Variants in CCNG2 observed in about 807,000 individuals in gnomAD.
CCNG2 encodes the protein cyclin G2.
CCNG2 carries 20 observed loss-of-function variants against 36.5 expected under a neutral mutation model. The ratio of observed to expected loss-of-function variants is 0.55; its 90% CI spans 0.39 to 0.80. CCNG2 has a LOEUF of 0.80. Among genes scored for constraint, CCNG2 ranks in the 30% least tolerant of loss-of-function variants. The pLI is 0.00. For missense variants in CCNG2, 358 were observed against 390.8 expected, an observed-to-expected ratio of 0.92 and a Z score of 0.71; for synonymous variants, 155 against 140.1, an observed-to-expected ratio of 1.11 and a Z score of -0.75.
At chr4:77,159,068 G>A (rs1188246339) in intron 2 of CCNG2, among the ~76,000 whole-genome samples, 1 of 152,202 alleles carries the variant, frequency 6.6e-6, no homozygotes, top group Non-Finnish European at 1.5e-5. Flanking sequence ...TCCATTCCAA[G>A]GGAATTGAAT....
intron 3 of CCNG2, among the ~76,000 whole-genome samples, chr4:77,160,135 C>T (rs1021259027): frequency 6.6e-6 from 1 of 152,056 alleles, no homozygotes; most frequent in Admixed American, 6.6e-5. Context: ...TATGGAATGA[C>T]TCTTAAAGAT....
At chr4:77,159,554 C>T in intron 3 of CCNG2, 50 bp downstream of exon 3, 2 of 1,562,296 alleles carry the variant, frequency 1.3e-6, no homozygotes, top group Non-Finnish European at 8.7e-7. Context: ...TGCCCAGTGC[C>T]TAGCACACAG....
rs1186129974 is a variant in CCNG2, at chr4:77,166,995, T to C, written c.*1071T>C. 1.3e-5 allele frequency: 2 copies of C among 152,210 alleles called. No homozygotes were observed. The highest frequency in any genetic ancestry group is 4.8e-5 in the African/African-American group (2 of 41,458). 9.4% of individuals were successfully genotyped at this position (152,210 alleles called of 1,614,324 possible). A position where few individuals can be genotyped will look rare whatever the true frequency, so the allele number is the denominator to read the frequency against. On this transcript the variant is annotated 3_prime_UTR_variant, in exon 8 of 8. Coordinates refer to ENST00000316355, the MANE Select transcript of CCNG2 (RefSeq NM_004354.3). ...AATTGTATATGAACATGTAAATCTT[T>C]TAAAATGTACATAAAATACTGTATT...
rs530566659 is a variant in CCNG2 at position 77,161,331 on chromosome 4, AC to A, written c.528-147del. 365 of 614,308 alleles carry A rather than the reference AC, an allele frequency of 5.9e-4. 1 individual carries two copies. The highest frequency in any genetic ancestry group is 5.9e-3 in the African/African-American group (316 of 53,346). 38.1% of individuals were successfully genotyped at this position (614,308 alleles called of 1,614,324 possible). On this transcript the variant is annotated intron_variant, in intron 4 of 7. Coordinates refer to ENST00000316355, the MANE Select transcript of CCNG2 (RefSeq NM_004354.3). ...TGGTCAGGCTGGTCTCGAACTCCTGACCTTAGGTGATCCACCTGCTTCTGCC... is the reference window on the plus strand; with the variant it reads ...TGGTCAGGCTGGTCTCGAACTCCTGACTTAGGTGATCCACCTGCTTCTGCC...
intron 6 of CCNG2, among the ~76,000 whole-genome samples, chr4:77,163,806 T>C (rs920611501): frequency 2.6e-5 from 4 of 152,228 alleles, no homozygotes; most frequent in African/African-American, 4.8e-5. Flanking sequence ...TCTGGTGTTA[T>C]AAGTGTGTAT....
intron 7 of CCNG2, among the ~76,000 whole-genome samples, chr4:77,165,425 TTTCTTTC>T (rs1731601617): frequency 7.2e-6 from 1 of 138,054 alleles, no homozygotes; most frequent in South Asian, 2.4e-4. Context: ...ATTTTCTTTC[TTTCTTTC>T]TTTTTTTTTT....
rs969771195 is a variant in CCNG2, at chr4:77,163,267, A to G, written c.706-1007A>G. Reference sequence around the variant, plus strand: ...CATTAGGAGCCAAGTGAAGAAAGGTACATCCCCACAAGTAGAAGCACTGTC... The same window carrying G: ...CATTAGGAGCCAAGTGAAGAAAGGTGCATCCCCACAAGTAGAAGCACTGTC... On this transcript the variant is annotated intron_variant, in intron 6 of 7. Coordinates refer to ENST00000316355, the MANE Select transcript of CCNG2 (RefSeq NM_004354.3). Among the ~76,000 whole-genome samples, 122 of 152,112 alleles carry G rather than the reference A, an allele frequency of 8.0e-4. 2 individuals are homozygous for G. Among genetic ancestry groups the G allele is most frequent in the Non-Finnish European group, 1.9e-4 (13 of 68,028 alleles).
Position 77,164,258 on chromosome 4 carries a change from AAT to A in CCNG2, c.706-13_706-12del. On this transcript the variant is annotated splice_polypyrimidine_tract_variant and intron_variant, in intron 6 of 7. Coordinates refer to ENST00000316355, the MANE Select transcript of CCNG2 (RefSeq NM_004354.3). Reference sequence around the variant, plus strand: ...GGGAGACATTGCCGTAACCTCTTAAAATATTTTTTTTTCAGATTAATGACACT... The same window carrying A: ...GGGAGACATTGCCGTAACCTCTTAAAATTTTTTTTTCAGATTAATGACACT... 6.2e-7 allele frequency: 1 copy of A among 1,604,144 alleles called. No homozygotes were observed.
At chr4:77,164,239 C>G (rs770537416) in intron 6 of CCNG2, 35 bp from the exon 7 acceptor site, 2 of 1,508,542 alleles carry the variant, frequency 1.3e-6, no homozygotes, top group South Asian at 2.3e-5. Flanking sequence ...ATTTGGGAGA[C>G]ATTGCCGTAA....
intron 6 of CCNG2, among the ~76,000 whole-genome samples, chr4:77,163,207 G>A (rs1731533457): frequency 6.6e-6 from 1 of 152,150 alleles, no homozygotes; most frequent in African/African-American, 2.4e-5. Flanking sequence ...GTCAGTTGAA[G>A]CTCTGGGGTT....
rs1245067345 is a variant in CCNG2 at position 77,169,463 on chromosome 4, TC to T, written c.*3542del. ...GTATGATGGCCAGTCAGTCTTTCCA[TC>T]CCTGTGCCTACATGCTGCTCTTCCC... is the stretch of plus-strand genomic sequence containing the variant. On this transcript the variant is annotated 3_prime_UTR_variant, in exon 8 of 8. Coordinates refer to ENST00000316355, the MANE Select transcript of CCNG2 (RefSeq NM_004354.3). 1 of 152,248 alleles carries T rather than the reference TC, an allele frequency of 6.6e-6. No homozygotes were observed. The highest frequency in any genetic ancestry group is 1.5e-5 in the Non-Finnish European group (1 of 68,054). 9.4% of individuals were successfully genotyped at this position (152,248 alleles called of 1,614,324 possible). A position where few individuals can be genotyped will look rare whatever the true frequency, so the allele number is the denominator to read the frequency against.
At chr4:77,159,525 A>T (rs773599061) in intron 3 of CCNG2, 21 bp downstream of exon 3, 4 of 1,606,972 alleles carry the variant, frequency 2.5e-6, no homozygotes, top group Non-Finnish European at 3.4e-6. Context: ...ATTTTTATAA[A>T]TATGTCTTCC....
At position 77,169,375 on chromosome 4, in the gene CCNG2, C is replaced by T. The variant is rs1019323009; in HGVS notation, c.*3451C>T. ...TTCAGTTTTCCTAACTATTTACTAC[C>T]AGAAATGGTCAATAACTTACTTTGT... On this transcript the variant is annotated 3_prime_UTR_variant, in exon 8 of 8. Coordinates refer to ENST00000316355, the MANE Select transcript of CCNG2 (RefSeq NM_004354.3). 6.6e-6 allele frequency: 1 copy of T among 152,104 alleles called. No individual in the cohort carries two copies. Among genetic ancestry groups the T allele is most frequent in the South Asian group, 2.1e-4 (1 of 4,826 alleles). 9.4% of individuals were successfully genotyped at this position (152,104 alleles called of 1,614,324 possible). A position where few individuals can be genotyped will look rare whatever the true frequency, so the allele number is the denominator to read the frequency against.
rs1731416124 is a variant in CCNG2, at chr4:77,160,891, G to C, written c.447G>C (p.Leu149Phe). 1.9e-6 allele frequency: 3 copies of C among 1,612,756 alleles called. No homozygotes were observed. ...TGGAAAAAATAATTTCAGAAAAATTGCACTATGAATTGGAAGCTACTACTG... is the reference window on the plus strand; with the variant it reads ...TGGAAAAAATAATTTCAGAAAAATTCCACTATGAATTGGAAGCTACTACTG... ...KRMEKIISEK[L>F]HYELEATTAL... Residue 149 changes from leucine (L) to phenylalanine (F), a missense_variant, in exon 4 of 8, where the codon TTG (leucine) becomes TTC (phenylalanine). Transcript: ENST00000316355.
rs1344336062 is a variant in CCNG2 at position 77,168,220 on chromosome 4, T to A, written c.*2296T>A. The A allele has an allele frequency of 6.6e-6, 1 of 152,218 alleles. No homozygotes were observed. The highest frequency in any genetic ancestry group is 2.4e-5 in the African/African-American group (1 of 41,448). The allele number at this position is 152,218 out of a possible 1,614,324, so 9.4% of individuals were successfully genotyped here. On this transcript the variant is annotated 3_prime_UTR_variant, in exon 8 of 8. Coordinates refer to ENST00000316355, the MANE Select transcript of CCNG2 (RefSeq NM_004354.3). ...TGATATGCTCATCTCCTTTTGCCTG[T>A]TTATGGAGGTCACCAGCCTCTATCA...
At chr4:77,162,227 A>G (rs1402441111) in intron 6 of CCNG2, among the ~76,000 whole-genome samples, 1 of 152,214 alleles carries the variant, frequency 6.6e-6, no homozygotes, top group Non-Finnish European at 1.5e-5. Context: ...TCTTACCATC[A>G]CAAAGAGATA....
rs1049785260 is a variant in CCNG2 at position 77,166,259 on chromosome 4, A to G, written c.*335A>G. 3 of 163,678 alleles carry G rather than the reference A, an allele frequency of 1.8e-5. No homozygotes were observed. Among genetic ancestry groups the G allele is most frequent in the Non-Finnish European group, 4.0e-5 (3 of 75,262 alleles). 10.1% of individuals were successfully genotyped at this position (163,678 alleles called of 1,614,324 possible). On this transcript the variant is annotated 3_prime_UTR_variant, in exon 8 of 8. Transcript: ENST00000316355. ...AAAATAACTAGTGTAGCTTATCTTA[A>G]ACATTTTATAAAACCTTCAGATGTC...
rs1192660267 is a variant in CCNG2 at position 77,169,707 on chromosome 4, G to A, written c.*3783G>A. 1 of 152,236 alleles carries A rather than the reference G, an allele frequency of 6.6e-6. No homozygotes were observed. Among genetic ancestry groups the A allele is most frequent in the Non-Finnish European group, 1.5e-5 (1 of 68,048 alleles). The allele number at this position is 152,236 out of a possible 1,614,324, so 9.4% of individuals were successfully genotyped here. A position where few individuals can be genotyped will look rare whatever the true frequency, so the allele number is the denominator to read the frequency against. On this transcript the variant is annotated 3_prime_UTR_variant, in exon 8 of 8. Transcript: ENST00000316355. ...AGGCCATGTGGAGAGAGACTCTTGA[G>A]GATGAGAGATTATCTTGGATGTTCC...
intron 6 of CCNG2, among the ~76,000 whole-genome samples, chr4:77,162,015 C>A (rs943213149): frequency 2.6e-5 from 4 of 152,166 alleles, no homozygotes; most frequent in Non-Finnish European, 5.9e-5. Flanking sequence ...ACAGCTGTTA[C>A]ATTGCCACAT....
Sources: allele counts gnomAD v4.1 joint callset (sites outside exome capture counted in the v4.1 genomes callset), GRCh38; gene constraint gnomAD v4.1.1; transcripts MANE v1.5; gene names NCBI Gene and HGNC (gene_info 2026-07-23, HGNC 2026-07-21).